DENND2B: variants seen among roughly 807,000 people sequenced by gnomAD.
DENND2B encodes the protein DENN domain-containing protein 2B.
A neutral mutation model predicts 116.0 loss-of-function variants in DENND2B; 32 were observed. The observed-to-expected ratio is 0.28, with a 90% confidence interval of 0.21 to 0.37. DENND2B has a LOEUF of 0.37. DENND2B is among the 10% of genes least tolerant of loss of function. The pLI is 1.00. For missense variants in DENND2B, 1,276 were observed against 1,477.7 expected (o/e 0.86, Z 2.24); for synonymous variants, 588 against 583.9 (o/e 1.01, Z -0.10).
chr11:8,774,256 C>A (rs140407754), intron 1 of DENND2B: 1 of 985,468 alleles, frequency 1.0e-6, no homozygotes, highest in African/African-American at 1.7e-5. Flanking sequence ...GACTAGCAGT[C>A]TCTTCCAGAA....
chr11:8,716,563 C>A (rs989727000), intron 5 of DENND2B, among the ~76,000 whole-genome samples: 2 of 152,230 alleles, frequency 1.3e-5, no homozygotes, highest in Non-Finnish European at 2.9e-5. Context: ...CCTCCACAGC[C>A]CCCAATTTCC....
rs1377127604 is a variant in DENND2B, at chr11:8,810,595, T to C, written c.-104A>G. On this transcript the variant is annotated 5_prime_UTR_variant, in exon 1 of 20. Coordinates refer to ENST00000313726, the MANE Select transcript of DENND2B (RefSeq NM_213618.2). ...GGGAGCCCAGGGCCCCCAAATCCAC[T>C]GGCTTAAGCTCCGATACCTGCTGCG... 6.6e-6 allele frequency: 1 copy of C among 152,302 alleles called. No homozygotes were observed. The highest frequency in any genetic ancestry group is 1.5e-5 in the Non-Finnish European group (1 of 68,116). The allele number at this position is 152,302 out of a possible 1,614,324, so 9.4% of individuals were successfully genotyped here.
intron 3 of DENND2B, among the ~76,000 whole-genome samples, chr11:8,851,446 C>T (rs1266461099): frequency 6.6e-6 from 1 of 152,136 alleles, no homozygotes; most frequent in Non-Finnish European, 1.5e-5. Context: ...AAATGCAATA[C>T]CATTTTTATC....
chr11:8,736,437 C>T (rs1479457097), intron 2 of DENND2B, among the ~76,000 whole-genome samples: 1 of 152,022 alleles, frequency 6.6e-6, no homozygotes, highest in Non-Finnish European at 1.5e-5. Context: ...TTCTGGTAGA[C>T]ACACATCAAG....
chr11:8,824,918 C>T (rs185704312), intron 4 of DENND2B, among the ~76,000 whole-genome samples: 3 of 148,578 alleles, frequency 2.0e-5, no homozygotes, highest in East Asian at 4.0e-4. Context: ...AGGCTGGTCT[C>T]GAACTCCTGA....
At chr11:8,823,266 A>C (rs1168063008) in intron 4 of DENND2B, among the ~76,000 whole-genome samples, 1 of 152,218 alleles carries the variant, frequency 6.6e-6, no homozygotes, top group Non-Finnish European at 1.5e-5. Context: ...AAGAAAAAAA[A>C]ATCAGAGATG....
chr11:8,819,165 C>T (rs552566182), intron 4 of DENND2B, among the ~76,000 whole-genome samples: 2 of 152,136 alleles, frequency 1.3e-5, no homozygotes, highest in South Asian at 4.1e-4. Flanking sequence ...GAGGCCAAGA[C>T]AGGAAGATCG....
chr11:8,712,475 C>T lies in DENND2B; in HGVS notation c.2172+76G>A. On this transcript the variant is annotated intron_variant, in intron 9 of 19. Coordinates refer to ENST00000313726, the MANE Select transcript of DENND2B (RefSeq NM_213618.2). The surrounding 1 kb of genome is among the most constrained non-coding windows in gnomAD (Gnocchi z 4.4). ...ACGTATGACGAACAAGATCTCTCTCCTTCCCCAGATAGGCCTGGCGGATAG... is the reference window on the plus strand; with the variant it reads ...ACGTATGACGAACAAGATCTCTCTCTTTCCCCAGATAGGCCTGGCGGATAG... 1.4e-6 allele frequency: 2 copies of T among 1,448,708 alleles called. No individual in the cohort carries two copies. Among genetic ancestry groups the T allele is most frequent in the Non-Finnish European group, 1.9e-6 (2 of 1,076,696 alleles). The allele number at this position is 1,448,708 out of a possible 1,614,324, so 89.7% of individuals were successfully genotyped here.
upstream of DENND2B, among the ~76,000 whole-genome samples, chr11:8,815,574 T>C (rs1397432047): frequency 6.6e-6 from 1 of 152,296 alleles, no homozygotes; most frequent in South Asian, 2.1e-4. Context: ...TCTGAATGCC[T>C]CTCCTTCCCC....
At chr11:8,763,606 A>C (rs1180924865) in intron 1 of DENND2B, among the ~76,000 whole-genome samples, 1 of 150,420 alleles carries the variant, frequency 6.6e-6, no homozygotes, top group Non-Finnish European at 1.5e-5. Flanking sequence ...CATTATTCTG[A>C]ATAAAAGAGC....
In DENND2B at chr11:8,707,234, A is replaced by C; in HGVS notation, c.2431-9T>G. 6.2e-7 allele frequency: 1 copy of C among 1,606,450 alleles called. No individual in the cohort carries two copies. Among genetic ancestry groups the C allele is most frequent in the South Asian group, 1.1e-5 (1 of 90,170 alleles). ...TCCACCTCATCTAGGACCTGTGCCC[A>C]CCGCCAGCAGCCCAAAGAGGAAGGG... On this transcript the variant is annotated splice_polypyrimidine_tract_variant and intron_variant, in intron 12 of 19. Transcript: ENST00000313726. This position sits in a 1 kb window ranked among gnomAD's most constrained non-coding sequence, Gnocchi z 4.8.
chr11:8,700,189 A>G (rs2041288155), intron 14 of DENND2B, among the ~76,000 whole-genome samples: 1 of 152,214 alleles, frequency 6.6e-6, no homozygotes, highest in South Asian at 2.1e-4. Context: ...CCAGGGCACC[A>G]AAGCTGGGCA....
At chr11:8,743,936 G>T (rs1008868918) in intron 2 of DENND2B, among the ~76,000 whole-genome samples, 1 of 151,192 alleles carries the variant, frequency 6.6e-6, no homozygotes, top group Non-Finnish European at 1.5e-5. Flanking sequence ...AGAGATGGGG[G>T]CGGGGTCTCA....
chr11:8,891,934 A>G (rs868636111), intron 1 of DENND2B, among the ~76,000 whole-genome samples: 3 of 152,200 alleles, frequency 2.0e-5, no homozygotes, highest in South Asian at 2.1e-4. Flanking sequence ...TCAACAGAAT[A>G]TACTTTCTTC....
Position 8,810,645 on chromosome 11 carries a change from A to C in DENND2B, c.-154T>G, listed in dbSNP as rs1345181069. ...GAGCTTCCCACAGCTCCTTCCTCTG[A>C]CCTTTCGTGGCGCTCCTCGCAGCCA... is the stretch of plus-strand genomic sequence containing the variant. On this transcript the variant is annotated 5_prime_UTR_variant, in exon 1 of 20. Coordinates refer to ENST00000313726, the MANE Select transcript of DENND2B (RefSeq NM_213618.2). 1.3e-5 allele frequency: 2 copies of C among 152,172 alleles called. No individual in the cohort carries two copies. The highest frequency in any genetic ancestry group is 2.9e-5 in the Non-Finnish European group (2 of 68,052). The allele number at this position is 152,172 out of a possible 1,614,324, so 9.4% of individuals were successfully genotyped here. A position where few individuals can be genotyped will look rare whatever the true frequency, so the allele number is the denominator to read the frequency against.
intron 2 of DENND2B, among the ~76,000 whole-genome samples, chr11:8,861,035 TCGAGA>T (rs1304305571): frequency 7.1e-6 from 1 of 141,476 alleles, no homozygotes; most frequent in Non-Finnish European, 1.6e-5. Flanking sequence ...AAAAATTAAC[TCGAGA>T]TGGATCAAAG....
chr11:8,782,703 G>A lies in DENND2B; in HGVS notation c.-26+27814C>T, dbSNP rs139291138. On this transcript the variant is annotated intron_variant, in intron 1 of 19. Coordinates refer to ENST00000313726, the MANE Select transcript of DENND2B (RefSeq NM_213618.2). Reference sequence around the variant, plus strand: ...AGATCAAGATCATCCTGGCTAACACGGTGAAACCCCATGTCTACTAAAAAT... The same window carrying A: ...AGATCAAGATCATCCTGGCTAACACAGTGAAACCCCATGTCTACTAAAAAT... Among the ~76,000 whole-genome samples, 1,080 of 152,038 alleles carry A rather than the reference G, an allele frequency of 7.1e-3. 10 individuals carry two copies. The highest frequency in any genetic ancestry group is 0.024 in the African/African-American group (1,000 of 41,462).
rs529240059 is a variant in DENND2B, at chr11:8,775,113, T to A, written c.-25-24388A>T. On this transcript the variant is annotated intron_variant, in intron 1 of 19. Transcript: ENST00000313726. Reference sequence around the variant, plus strand: ...CCAGGGTGGTCTCGAACTCCTGACCTCAAGTGACCCGCCCGCCTTGACCTC... The same window carrying A: ...CCAGGGTGGTCTCGAACTCCTGACCACAAGTGACCCGCCCGCCTTGACCTC... Among the ~76,000 whole-genome samples, 4 of 152,006 alleles carry A rather than the reference T, an allele frequency of 2.6e-5. No individual in the cohort carries two copies. In the East Asian group the frequency reaches 7.8e-4, roughly 30 times the overall value.
intron 1 of DENND2B, among the ~76,000 whole-genome samples, chr11:8,771,194 C>T (rs536500200): frequency 2.6e-4 from 39 of 152,276 alleles, no homozygotes; most frequent in African/African-American, 9.1e-4. Context: ...CAGAAAGTAA[C>T]CGTCAGCAGG....
Sources: gnomAD v4.1 joint callset for allele counts (sites outside exome capture counted in the v4.1 genomes callset) on GRCh38, gnomAD v4.1.1 for gene constraint, Gnocchi (gnomAD v3.1) non-coding constraint, MANE v1.5 for transcripts, NCBI Gene and HGNC (gene_info 2026-07-23, HGNC 2026-07-21) for gene names.